PHACTR4: variants seen among roughly 807,000 people sequenced by gnomAD.
PHACTR4 encodes phosphatase and actin regulator 4.
In PHACTR4, 51 loss-of-function variants were observed where a neutral mutation model predicts 72.7. The observed-to-expected ratio is 0.70, with a 90% CI of 0.56 to 0.89. PHACTR4 has a LOEUF of 0.89. PHACTR4 is among the 40% of genes least tolerant of loss of function. The pLI, the probability that PHACTR4 is intolerant of heterozygous loss-of-function variation, is 0.00. For missense variants in PHACTR4, 731 were observed against 861.8 expected, an observed-to-expected ratio of 0.85 and a Z score of 1.90; for synonymous variants, 255 against 302.5, an observed-to-expected ratio of 0.84 and a Z score of 1.63.
intron 2 of PHACTR4, among the ~76,000 whole-genome samples, chr1:28,451,477 A>G (rs1657969577): frequency 6.8e-6 from 1 of 147,108 alleles, no homozygotes; most frequent in Non-Finnish European, 1.5e-5. Flanking sequence ...AATGATACAT[A>G]TCACAATACA....
chr1:28,460,442 C>T (rs183180155), intron 4 of PHACTR4, 150 bp downstream of exon 4: 6 of 586,354 alleles, frequency 1.0e-5, no homozygotes, highest in Non-Finnish European at 1.8e-5. Flanking sequence ...ACCCTTCCTT[C>T]CTTGGGGCAA....
chr1:28,419,757 T>C (rs1198659395), intron 2 of PHACTR4, among the ~76,000 whole-genome samples: 3 of 152,234 alleles, frequency 2.0e-5, no homozygotes, highest in Non-Finnish European at 4.4e-5. Context: ...ATTTTTATTC[T>C]TAAATACTTA....
chr1:28,463,120 G>C (rs982466726), intron 4 of PHACTR4, among the ~76,000 whole-genome samples: 3 of 152,000 alleles, frequency 2.0e-5, no homozygotes, highest in African/African-American at 7.2e-5. Flanking sequence ...GATGGCTTGA[G>C]CCCAGAAGAT....
intron 2 of PHACTR4, among the ~76,000 whole-genome samples, chr1:28,409,197 G>A (rs1434863333): frequency 1.3e-5 from 2 of 149,630 alleles, no homozygotes; most frequent in Non-Finnish European, 3.0e-5. Context: ...ATTCACAGAA[G>A]CAATCATAGC....
chr1:28,483,981 A>C (rs1182246578), intron 9 of PHACTR4, among the ~76,000 whole-genome samples: 9 of 151,966 alleles, frequency 5.9e-5, no homozygotes, highest in Non-Finnish European at 1.5e-5. Flanking sequence ...GCTTGAGGCC[A>C]GGAGTTTGAG....
chr1:28,402,937 G>A (rs568777361), intron 1 of PHACTR4, among the ~76,000 whole-genome samples: 1 of 152,164 alleles, frequency 6.6e-6, no homozygotes, highest in African/African-American at 2.4e-5. Context: ...GAAGAGTTCA[G>A]TATAATCTAA....
chr1:28,452,975 C>T (rs545520189), intron 2 of PHACTR4, among the ~76,000 whole-genome samples: 6 of 151,858 alleles, frequency 4.0e-5, no homozygotes, highest in Admixed American at 2.6e-4. Context: ...AAAAGTTAGC[C>T]GGGTGTGGTT....
intron 8 of PHACTR4, among the ~76,000 whole-genome samples, chr1:28,478,594 G>A (rs1027291918): frequency 2.6e-5 from 4 of 151,894 alleles, no homozygotes; most frequent in African/African-American, 9.7e-5. Flanking sequence ...ACCATGCCCA[G>A]CTCATTTTAG....
intron 4 of PHACTR4, 43 bp from the exon 5 acceptor site, chr1:28,465,642 T>G: frequency 6.4e-7 from 1 of 1,570,230 alleles, no homozygotes; most frequent in Non-Finnish European, 8.6e-7. Context: ...TTCTATCTGT[T>G]CATGCCAACT....
chr1:28,493,131 AGTTT>A, intron 13 of PHACTR4, 40 bp downstream of exon 13: 1 of 1,555,742 alleles, frequency 6.4e-7, no homozygotes, highest in Non-Finnish European at 8.9e-7. Context: ...TGCTAGGTAG[AGTTT>A]TCCAAAAAAT....
chr1:28,382,825 G>A (rs1006913962), intron 1 of PHACTR4, among the ~76,000 whole-genome samples: 15 of 149,350 alleles, frequency 1.0e-4, no homozygotes, highest in African/African-American at 3.2e-4. Context: ...ACAGAGTCTC[G>A]CTCTGTTGCC....
chr1:28,378,221 G>T (rs907864587), intron 1 of PHACTR4, among the ~76,000 whole-genome samples: 3 of 91,114 alleles, frequency 3.3e-5, no homozygotes, highest in African/African-American at 1.7e-4. Flanking sequence ...AAAAAATTTG[G>T]CCAGGCGCAG....
chr1:28,491,867 G>A (rs1661060463), intron 12 of PHACTR4, 80 bp downstream of exon 12: 2 of 1,474,656 alleles, frequency 1.4e-6, no homozygotes, highest in Non-Finnish European at 9.1e-7. Context: ...CTAACTAGAA[G>A]GGAGAACCAT....
At chr1:28,434,271 T>C (rs546918289) in intron 2 of PHACTR4, among the ~76,000 whole-genome samples, 1 of 152,032 alleles carries the variant, frequency 6.6e-6, no homozygotes, top group South Asian at 2.1e-4. Flanking sequence ...GTTTCCTCCT[T>C]CTGCAAAAAG....
At chr1:28,404,276 C>CTTTTTTT (rs58454588) in intron 1 of PHACTR4, among the ~76,000 whole-genome samples, 2 of 101,416 alleles carry the variant, frequency 2.0e-5, no homozygotes, top group Admixed American at 1.1e-4. Flanking sequence ...TATGAACATC[C>CTTTTTTT]TTTTTTTTTT....
At chr1:28,376,949 T>G (rs1384105690) in intron 1 of PHACTR4, among the ~76,000 whole-genome samples, 1 of 151,368 alleles carries the variant, frequency 6.6e-6, no homozygotes, top group Non-Finnish European at 1.5e-5. Context: ...AATTTTTTTT[T>G]GAAATGAGTT....
chr1:28,388,507 A>C (rs1652749805), intron 1 of PHACTR4, among the ~76,000 whole-genome samples: 1 of 152,182 alleles, frequency 6.6e-6, no homozygotes, highest in Admixed American at 6.5e-5. Flanking sequence ...GGTAAAGTGG[A>C]TATCCACATG....
At chr1:28,483,380 A>G (rs1434216700) in intron 9 of PHACTR4, among the ~76,000 whole-genome samples, 1 of 151,998 alleles carries the variant, frequency 6.6e-6, no homozygotes, top group Non-Finnish European at 1.5e-5. Context: ...CCAGGAGGTC[A>G]AGACTGCAGT....
intron 2 of PHACTR4, chr1:28,433,124 G>A: frequency 1.0e-6 from 1 of 979,106 alleles, no homozygotes. Context: ...GAGGGACTAA[G>A]CTGGGGAGAA....
Sources: allele counts gnomAD v4.1 joint callset (sites outside exome capture counted in the v4.1 genomes callset), GRCh38; gene constraint gnomAD v4.1.1; transcripts MANE v1.5; gene names NCBI Gene and HGNC (gene_info 2026-07-23, HGNC 2026-07-21).